The following CLVS1 variants were observed in gnomAD, a reference collection of about 807,000 sequenced individuals.
The protein encoded by CLVS1 is clavesin 1.
Under a neutral mutation model 33.1 loss-of-function variants are expected in CLVS1, and 10 were observed. The observed-to-expected ratio is 0.30, with a 90% confidence interval of 0.19 to 0.51. CLVS1 has a LOEUF of 0.51. Among genes scored for constraint, CLVS1 ranks in the 20% least tolerant of loss-of-function variants. The pLI, the probability that CLVS1 is intolerant of heterozygous loss-of-function variation, is 0.97. For synonymous variants in CLVS1, 163 were observed against 166.1 expected, an observed-to-expected ratio of 0.98 and a Z score of 0.14; for missense variants, 343 against 433.4, an observed-to-expected ratio of 0.79 and a Z score of 1.85.
At chr8:61,005,122 G>C in the CLVS1 span, among the ~76,000 whole-genome samples, 1 of 152,208 alleles carries the variant, frequency 6.6e-6, no homozygotes, top group Non-Finnish European at 1.5e-5. Context: ...GCATCTTGCA[G>C]ATGACTGACT....
At chr8:61,321,303 G>A (rs1044479481) in intron 2 of CLVS1, among the ~76,000 whole-genome samples, 3 of 152,092 alleles carry the variant, frequency 2.0e-5, no homozygotes, top group African/African-American at 4.8e-5. Flanking sequence ...GAAGTTCTGC[G>A]GTGGTTTGCT....
At chr8:60,989,311 G>A in the CLVS1 span, among the ~76,000 whole-genome samples, 1 of 152,176 alleles carries the variant, frequency 6.6e-6, no homozygotes, top group African/African-American at 2.4e-5. Flanking sequence ...CTCCCAAGTA[G>A]CTGGGATTGC....
At chr8:61,434,752 T>G (rs185165488) in intron 3 of CLVS1, among the ~76,000 whole-genome samples, 14 of 152,316 alleles carry the variant, frequency 9.2e-5, no homozygotes, top group Non-Finnish European at 1.9e-4. Context: ...ATCTCTCAGA[T>G]AGCAGACTTC....
intron 2 of CLVS1, among the ~76,000 whole-genome samples, chr8:61,157,489 T>A (rs1393785759): frequency 6.6e-6 from 1 of 152,174 alleles, no homozygotes; most frequent in Non-Finnish European, 1.5e-5. Flanking sequence ...ACCCTATATA[T>A]CTGTACAAAT....
the CLVS1 span, among the ~76,000 whole-genome samples, chr8:61,015,556 GTTCT>G: frequency 2.0e-5 from 3 of 152,182 alleles, no homozygotes; most frequent in Admixed American, 6.5e-5. Flanking sequence ...TGAGTCATGT[GTTCT>G]TTCTTCTGTG....
chr8:61,394,654 AG>A (rs1404089519), intron 3 of CLVS1, among the ~76,000 whole-genome samples: 1 of 152,186 alleles, frequency 6.6e-6, no homozygotes, highest in Non-Finnish European at 1.5e-5. Context: ...CCATGCAGCC[AG>A]CGAGGTCAGT....
intron 2 of CLVS1, among the ~76,000 whole-genome samples, chr8:61,184,280 A>G (rs1807298225): frequency 6.6e-6 from 1 of 152,214 alleles, no homozygotes; most frequent in Admixed American, 6.5e-5. Context: ...GTCTAGGGTA[A>G]GAGGATGGAC....
rs1804523393 is a variant in CLVS1 at position 61,500,055 on chromosome 8, A to T, written c.*513A>T. 6.5e-6 allele frequency: 1 copy of T among 153,000 alleles called. No homozygotes were observed. Among genetic ancestry groups the T allele is most frequent in the African/African-American group, 2.4e-5 (1 of 41,456 alleles). 9.5% of individuals were successfully genotyped at this position (153,000 alleles called of 1,614,324 possible). A position where few individuals can be genotyped will look rare whatever the true frequency, so the allele number is the denominator to read the frequency against. ...TTACTGAATTATTTCCTTTGACCTCATCACCAGCATCGAATTGTTCAGCCT... is the reference window on the plus strand; with the variant it reads ...TTACTGAATTATTTCCTTTGACCTCTTCACCAGCATCGAATTGTTCAGCCT... On this transcript the variant is annotated 3_prime_UTR_variant, in exon 6 of 6. Coordinates refer to ENST00000325897, the MANE Select transcript of CLVS1 (RefSeq NM_173519.3).
intron 3 of CLVS1, among the ~76,000 whole-genome samples, chr8:61,422,936 G>A (rs1399767387): frequency 1.3e-5 from 2 of 151,996 alleles, no homozygotes; most frequent in African/African-American, 4.8e-5. Context: ...CTTCCCCGGT[G>A]GACTGTGCTC....
chr8:61,470,538 A>G (rs1817696824), intron 5 of CLVS1, among the ~76,000 whole-genome samples: 1 of 152,258 alleles, frequency 6.6e-6, no homozygotes. Flanking sequence ...GATATAGCCT[A>G]GGCAAGAATG....
chr8:61,455,770 G>A (rs1248797287), intron 4 of CLVS1, among the ~76,000 whole-genome samples: 2 of 152,154 alleles, frequency 1.3e-5, no homozygotes, highest in Non-Finnish European at 2.9e-5. Flanking sequence ...TGACACTAGG[G>A]AATAGCTCTG....
chr8:61,212,797 G>T lies in CLVS1; in HGVS notation c.-152+80937G>T, dbSNP rs145673979. ...GCCGGGCTGCTGCCAGCAGGGAGGC[G>T]CCTTGGAGATGAAGCAGGTGGGGCA... On this transcript the variant is annotated intron_variant, in intron 2 of 2. Coordinates refer to the CLVS1 transcript ENST00000522621. Among the ~76,000 whole-genome samples, 876 of 152,262 alleles carry T rather than the reference G, an allele frequency of 5.8e-3. 3 individuals carry two copies. Among genetic ancestry groups the T allele is most frequent in the Non-Finnish European group, 8.9e-3 (608 of 68,010 alleles).
At chr8:61,191,326 CG>C (rs1807470375) in intron 2 of CLVS1, among the ~76,000 whole-genome samples, 2 of 152,110 alleles carry the variant, frequency 1.3e-5, no homozygotes, top group South Asian at 4.2e-4. Flanking sequence ...AATTCAACAG[CG>C]CTTCATGCTA....
intron 3 of CLVS1, among the ~76,000 whole-genome samples, chr8:61,438,356 T>C (rs557251896): frequency 1.9e-4 from 29 of 152,322 alleles, no homozygotes; most frequent in African/African-American, 6.7e-4. Flanking sequence ...AAGGACATTA[T>C]CTCATTACTT....
chr8:61,456,960 T>C (rs1817189469), intron 4 of CLVS1, among the ~76,000 whole-genome samples: 2 of 151,146 alleles, frequency 1.3e-5, no homozygotes, highest in African/African-American at 4.9e-5. Flanking sequence ...TTTCCCGAGT[T>C]GGAGTCTTGT....
At chr8:61,214,836 T>C (rs1210769581) in intron 2 of CLVS1, among the ~76,000 whole-genome samples, 1 of 152,216 alleles carries the variant, frequency 6.6e-6, no homozygotes, top group Non-Finnish European at 1.5e-5. Flanking sequence ...CTGGCCCACT[T>C]GGCAGCTCTG....
chr8:61,167,193 ATT>A (rs34299403), intron 2 of CLVS1, among the ~76,000 whole-genome samples: 6,429 of 128,150 alleles, frequency 0.05, 168 homozygotes, highest in African/African-American at 0.094. Context: ...GCTTCCTTTA[ATT>A]TTTTTTTTTT....
intron 2 of CLVS1, among the ~76,000 whole-genome samples, chr8:61,138,083 T>A (rs1806222963): frequency 6.6e-6 from 1 of 152,052 alleles, no homozygotes; most frequent in Non-Finnish European, 1.5e-5. Context: ...ACTCAGAAAG[T>A]TATAATGAAG....
At chr8:61,348,393 A>C (rs937303299) in intron 2 of CLVS1, among the ~76,000 whole-genome samples, 3 of 151,800 alleles carry the variant, frequency 2.0e-5, no homozygotes, top group African/African-American at 7.3e-5. Context: ...TGATGAGTTA[A>C]TGGGTGCAGC....
Sources: gnomAD v4.1 joint callset for allele counts (sites outside exome capture counted in the v4.1 genomes callset) on GRCh38, gnomAD v4.1.1 for gene constraint, MANE v1.5 for transcripts, NCBI Gene and HGNC (gene_info 2026-07-23, HGNC 2026-07-21) for gene names.